SMOC2: variants seen among roughly 807,000 people sequenced by gnomAD.
SMOC2 encodes SPARC related modular calcium binding 2, also known as SPARC-related modular calcium-binding protein 2.
A neutral mutation model predicts 61.4 loss-of-function variants in SMOC2; 39 were observed. The ratio of observed to expected loss-of-function variants is 0.64; its 90% CI spans 0.49 to 0.83. The LOEUF (loss-of-function observed/expected upper bound fraction) is 0.83. SMOC2 is among the 40% of genes least tolerant of loss of function. The pLI, the probability that SMOC2 is intolerant of heterozygous loss-of-function variation, is 0.00. For missense variants in SMOC2, 556 were observed against 592.9 expected (o/e 0.94, Z 0.65); for synonymous variants, 247 against 239.9 (o/e 1.03, Z -0.27).
Position 168,580,754 on chromosome 6 carries a change from G to T in SMOC2, c.638-18064G>T, listed in dbSNP as rs573863286. Among the ~76,000 whole-genome samples, 95 of 152,182 alleles carry T rather than the reference G, an allele frequency of 6.2e-4. 1 individual carries two copies. The South Asian group carries it at 0.019, about 30-fold the overall frequency. ...GATGAGGTCTTAGTATGTTGCCCAGGCTGGTCTCAAATTCCTGGGCTTAAG... is the reference window on the plus strand; with the variant it reads ...GATGAGGTCTTAGTATGTTGCCCAGTCTGGTCTCAAATTCCTGGGCTTAAG... On this transcript the variant is annotated intron_variant, in intron 7 of 12. Transcript: ENST00000356284.
chr6:168,476,269 TAATC>T (rs1479103769), intron 1 of SMOC2, among the ~76,000 whole-genome samples: 2 of 152,050 alleles, frequency 1.3e-5, no homozygotes, highest in Non-Finnish European at 2.9e-5. Flanking sequence ...GATATATAGT[TAATC>T]AATCACTCAC....
intron 9 of SMOC2, among the ~76,000 whole-genome samples, chr6:168,634,813 G>A (rs776458310): frequency 4.7e-4 from 71 of 152,224 alleles, no homozygotes; most frequent in Non-Finnish European, 8.7e-4. Flanking sequence ...GGAGCTCTCA[G>A]CCTGATTTCT....
Position 168,515,383 on chromosome 6 carries a change from T to C in SMOC2, c.256+5297T>C, listed in dbSNP as rs991038967. On this transcript the variant is annotated intron_variant, in intron 2 of 12. Coordinates refer to ENST00000356284, the MANE Select transcript of SMOC2 (RefSeq NM_001166412.2). The stretch of plus-strand genomic sequence containing the variant: ...TCCCCGCGCATCACAGATCTTGAAA[T>C]AACTGGGTGTCACGCCCTTCTGATA... Among the ~76,000 whole-genome samples, 3 of 152,220 alleles carry C rather than the reference T, an allele frequency of 2.0e-5. No individual in the cohort carries two copies. In the South Asian group the frequency reaches 6.2e-4, roughly 32 times the overall value.
chr6:168,519,232 C>T (rs970692372), intron 2 of SMOC2, among the ~76,000 whole-genome samples: 4 of 146,348 alleles, frequency 2.7e-5, no homozygotes, highest in South Asian at 2.2e-4. Flanking sequence ...AGTGTGTATA[C>T]GTGCATGTTT....
intron 10 of SMOC2, among the ~76,000 whole-genome samples, chr6:168,652,127 G>A (rs919136937): frequency 3.3e-5 from 5 of 151,800 alleles, no homozygotes; most frequent in East Asian, 1.9e-4. Flanking sequence ...GATTGTTTTC[G>A]CAAACTAAGC....
At chr6:168,443,003 C>T (rs970304859) in intron 1 of SMOC2, among the ~76,000 whole-genome samples, 2 of 152,210 alleles carry the variant, frequency 1.3e-5, no homozygotes, top group African/African-American at 2.4e-5. Context: ...CATAAATATA[C>T]TCACGTATAC....
chr6:168,650,646 T>G, intron 9 of SMOC2, 35 bp from the exon 10 acceptor site: 1 of 1,584,474 alleles, frequency 6.3e-7, no homozygotes, highest in Non-Finnish European at 8.6e-7. Context: ...TTAGGCTTTA[T>G]GAGTTAATTA....
intron 7 of SMOC2, among the ~76,000 whole-genome samples, chr6:168,596,481 TC>T (rs1455509782): frequency 6.7e-6 from 1 of 150,358 alleles, no homozygotes; most frequent in African/African-American, 2.5e-5. Flanking sequence ...TGCTAAGTCT[TC>T]CAGGGTGCTG....
chr6:168,567,893 CAA>C, intron 7 of SMOC2, among the ~76,000 whole-genome samples: 1 of 150,040 alleles, frequency 6.7e-6, no homozygotes, highest in Non-Finnish European at 1.5e-5. Flanking sequence ...TTCAGATGAG[CAA>C]CTACAGGCAA....
chr6:168,627,126 C>A (rs1472660529), intron 9 of SMOC2, among the ~76,000 whole-genome samples: 1 of 152,182 alleles, frequency 6.6e-6, no homozygotes, highest in Non-Finnish European at 1.5e-5. Flanking sequence ...ATGAAACACA[C>A]CCCCAGCTCC....
At chr6:168,500,002 G>C (rs1164749373) in intron 1 of SMOC2, among the ~76,000 whole-genome samples, 1 of 152,210 alleles carries the variant, frequency 6.6e-6, no homozygotes, top group East Asian at 1.9e-4. Flanking sequence ...AGCAGGGAAA[G>C]AGGCTAACAG....
chr6:168,518,403 TTG>T (rs35624617), intron 2 of SMOC2, among the ~76,000 whole-genome samples: 36,962 of 149,572 alleles, frequency 0.25, 5,912 homozygotes, highest in Non-Finnish European at 0.35. Context: ...TTGTGTATGC[TTG>T]TGTGTGAATG....
chr6:168,559,487 A>AAATAC (rs1382096612), intron 7 of SMOC2, among the ~76,000 whole-genome samples: 1 of 151,776 alleles, frequency 6.6e-6, no homozygotes, highest in Non-Finnish European at 1.5e-5. Context: ...AAATAAAATA[A>AAATAC]AATAAAATAA....
chr6:168,514,242 A>G (rs150946008), intron 2 of SMOC2, among the ~76,000 whole-genome samples: 208 of 147,230 alleles, frequency 1.4e-3, no homozygotes, highest in African/African-American at 4.5e-3. Context: ...TTCAGACTCA[A>G]GGACACACAG....
intron 1 of SMOC2, 101 bp downstream of exon 1, chr6:168,441,555 C>A: frequency 2.2e-6 from 3 of 1,343,596 alleles, no homozygotes; most frequent in Non-Finnish European, 1.9e-6. Context: ...GGCGCCTGGG[C>A]ACGGGGAGCA....
intron 7 of SMOC2, among the ~76,000 whole-genome samples, chr6:168,581,085 T>A (rs1346796530): frequency 6.6e-6 from 1 of 152,142 alleles, no homozygotes; most frequent in Non-Finnish European, 1.5e-5. Context: ...AGTAAACATA[T>A]GAAGAATTTT....
chr6:168,503,877 T>A (rs1782798221), intron 1 of SMOC2, among the ~76,000 whole-genome samples: 1 of 152,140 alleles, frequency 6.6e-6, no homozygotes, highest in Non-Finnish European at 1.5e-5. Context: ...TGTGCAGAGT[T>A]GGCTCGTTGG....
At chr6:168,659,748 A>AGGTTGTTAGCTAGGTAAGGG (rs1562410993) in intron 11 of SMOC2, among the ~76,000 whole-genome samples, 1 of 30,196 alleles carries the variant, frequency 3.3e-5, no homozygotes, top group African/African-American at 1.5e-4. Flanking sequence ...TTGGGTGAGG[A>AGGTTGTTAGCTAGGTAAGGG]TGGAGGTTGT....
chr6:168,592,300 TCC>T (rs1785201379), intron 7 of SMOC2, among the ~76,000 whole-genome samples: 1 of 148,204 alleles, frequency 6.7e-6, no homozygotes, highest in Non-Finnish European at 1.5e-5. Context: ...GAGCTCCTCC[TCC>T]TCCCTGAGGC....
Sources: gnomAD v4.1 joint callset for allele counts (sites outside exome capture counted in the v4.1 genomes callset) on GRCh38, gnomAD v4.1.1 for gene constraint, MANE v1.5 for transcripts, NCBI Gene and HGNC (gene_info 2026-07-23, HGNC 2026-07-21) for gene names.